The following SLC14A2 variants were observed in gnomAD, a reference collection of about 807,000 sequenced individuals.
SLC14A2 encodes urea transporter 2.
A neutral mutation model predicts 104.6 loss-of-function variants in SLC14A2; 91 were observed. The ratio of observed to expected loss-of-function variants is 0.87; its 90% CI spans 0.73 to 1.04. SLC14A2 has a LOEUF of 1.04. SLC14A2 is among the 50% of genes least tolerant of loss of function. The pLI, the probability that SLC14A2 is intolerant of heterozygous loss-of-function variation, is 0.00. For missense variants in SLC14A2, 1,189 were observed against 1,156.0 expected (o/e 1.03, Z -0.41); for synonymous variants, 476 against 466.4 (o/e 1.02, Z -0.27).
At chr18:45,428,891 A>T (rs1219919352) in intron 1 of SLC14A2, among the ~76,000 whole-genome samples, 1 of 152,222 alleles carries the variant, frequency 6.6e-6, no homozygotes, top group East Asian at 1.9e-4. Context: ...TTGGTTCTAG[A>T]TTTCTGGGAA....
chr18:45,675,699 ATATATATATATTTT>A (rs1244445171), intron 18 of SLC14A2, among the ~76,000 whole-genome samples: 3 of 62,456 alleles, frequency 4.8e-5, no homozygotes, highest in Non-Finnish European at 9.2e-5. Flanking sequence ...ATATATATAT[ATATATATATATTTT>A]TTTTTTTTTT....
chr18:45,227,264 C>G (rs754489779), intron 1 of SLC14A2, among the ~76,000 whole-genome samples: 7 of 152,132 alleles, frequency 4.6e-5, no homozygotes, highest in Non-Finnish European at 1.0e-4. Context: ...AACTACTTCA[C>G]AGCAAAAATG....
chr18:45,399,443 T>A (rs2086071838), intron 1 of SLC14A2, among the ~76,000 whole-genome samples: 2 of 152,290 alleles, frequency 1.3e-5, no homozygotes. Context: ...TTGTCTCCAG[T>A]TCTGAACACC....
At chr18:45,180,207 G>T in the SLC14A2 span, among the ~76,000 whole-genome samples, 1 of 152,094 alleles carries the variant, frequency 6.6e-6, no homozygotes, top group African/African-American at 2.4e-5. Context: ...CTGATTGACT[G>T]CTGGGTTTTA....
chr18:45,393,991 C>T (rs540797051), intron 1 of SLC14A2, among the ~76,000 whole-genome samples: 7 of 152,308 alleles, frequency 4.6e-5, no homozygotes, highest in African/African-American at 1.7e-4. Flanking sequence ...AAGGTCCTAA[C>T]CCCTCTCCAC....
chr18:45,672,714 G>A (rs2046161502), intron 16 of SLC14A2, among the ~76,000 whole-genome samples, 186 bp from the exon 17 acceptor site: 2 of 152,124 alleles, frequency 1.3e-5, no homozygotes, highest in Admixed American at 1.3e-4. Context: ...AGTGTTCTAA[G>A]AACTCAAGAT....
chr18:45,649,461 G>A lies in SLC14A2; in HGVS notation c.1351+5301G>A, dbSNP rs568066077. Among the ~76,000 whole-genome samples, 8 of 152,134 alleles carry A rather than the reference G, an allele frequency of 5.3e-5. No homozygotes were observed. The East Asian group carries it at 5.8e-4, about 11-fold the overall frequency. ...TCTTCTTTTCACAAGAATTCTTACT[G>A]AGCCCCTACATCATACATTCCCAGC... On this transcript the variant is annotated intron_variant, in intron 10 of 19. Coordinates refer to ENST00000255226, the MANE Select transcript of SLC14A2 (RefSeq NM_007163.4).
chr18:45,589,380 A>C (rs2002108), intron 2 of SLC14A2, among the ~76,000 whole-genome samples: 9,805 of 152,028 alleles, frequency 0.064, 493 homozygotes, highest in East Asian at 0.24. Context: ...AGTGCACACA[A>C]ACACACACAC....
intron 2 of SLC14A2, among the ~76,000 whole-genome samples, chr18:45,562,887 T>G (rs2044219043): frequency 6.6e-6 from 1 of 152,224 alleles, no homozygotes; most frequent in Admixed American, 6.5e-5. Flanking sequence ...CTGGTCCCTC[T>G]GCAAGCGGTG....
chr18:45,620,767 A>C lies in SLC14A2; in HGVS notation c.-34-3864A>C, dbSNP rs947235096. On this transcript the variant is annotated intron_variant, in intron 1 of 19. Transcript: ENST00000255226. ...CAGCCCCACCACTTAAAAGAACACT[A>C]TATTTCCTTGATTATATGATGTATA... Among the ~76,000 whole-genome samples, 4 of 152,322 alleles carry C rather than the reference A, an allele frequency of 2.6e-5. 1 individual carries two copies. In the South Asian group the frequency reaches 8.3e-4, roughly 32 times the overall value.
chr18:45,627,527 G>A (rs1419147232), intron 4 of SLC14A2, among the ~76,000 whole-genome samples: 3 of 152,168 alleles, frequency 2.0e-5, no homozygotes, highest in African/African-American at 7.2e-5. Flanking sequence ...CCAAGTGTTG[G>A]GAAGATTAGA....
chr18:45,203,464 G>A, the SLC14A2 span, among the ~76,000 whole-genome samples: 1 of 152,150 alleles, frequency 6.6e-6, no homozygotes, highest in African/African-American at 2.4e-5. Context: ...ACCTGCTCAT[G>A]AGAGAAATTA....
intron 1 of SLC14A2, among the ~76,000 whole-genome samples, chr18:45,289,299 G>A (rs890549021): frequency 5.9e-5 from 9 of 152,088 alleles, no homozygotes; most frequent in African/African-American, 2.2e-4. Context: ...GAGGCAGTGA[G>A]GGGGCTGCTG....
intron 5 of SLC14A2, among the ~76,000 whole-genome samples, chr18:45,635,672 C>A (rs1163865407): frequency 6.6e-6 from 1 of 152,070 alleles, no homozygotes; most frequent in East Asian, 1.9e-4. Context: ...GGGCTACTGC[C>A]CGAAGGGGAG....
At chr18:45,533,751 T>A (rs2043737613) in intron 2 of SLC14A2, among the ~76,000 whole-genome samples, 1 of 152,202 alleles carries the variant, frequency 6.6e-6, no homozygotes. Context: ...CTTTTGAATG[T>A]GTTTGCTCTT....
chr18:45,184,102 A>C, the SLC14A2 span, among the ~76,000 whole-genome samples: 2 of 151,820 alleles, frequency 1.3e-5, no homozygotes, highest in African/African-American at 4.8e-5. Context: ...ACATGTGTGC[A>C]ATATTTACAA....
At chr18:45,199,897 C>G in the SLC14A2 span, among the ~76,000 whole-genome samples, 14 of 152,120 alleles carry the variant, frequency 9.2e-5, no homozygotes, top group Admixed American at 2.6e-4. Context: ...TAGAAGCCAC[C>G]TTGGGCAGGC....
At chr18:45,245,269 C>CT (rs1279863858) in intron 1 of SLC14A2, among the ~76,000 whole-genome samples, 1 of 152,126 alleles carries the variant, frequency 6.6e-6, no homozygotes, top group Admixed American at 6.5e-5. Flanking sequence ...ATAACCCTGG[C>CT]TTGCCTTATG....
intron 1 of SLC14A2, among the ~76,000 whole-genome samples, chr18:45,318,997 A>G (rs1431663586): frequency 2.0e-5 from 3 of 151,922 alleles, no homozygotes; most frequent in Non-Finnish European, 4.4e-5. Context: ...CAGCTCAGAG[A>G]CCCCAGTACA....
Sources: gnomAD v4.1 joint callset for allele counts (sites outside exome capture counted in the v4.1 genomes callset) on GRCh38, gnomAD v4.1.1 for gene constraint, MANE v1.5 for transcripts, NCBI Gene and HGNC (gene_info 2026-07-23, HGNC 2026-07-21) for gene names.